ACYP2: variants seen among roughly 807,000 people sequenced by gnomAD.
ACYP2 encodes acylphosphatase-2.
Under a neutral mutation model 11.2 loss-of-function variants are expected in ACYP2, and 12 were observed. The observed-to-expected ratio is 1.08, with a 90% CI of 0.69 to 1.74. ACYP2 has a LOEUF of 1.74. Ranked by LOEUF, ACYP2 falls within the 40% of genes most tolerant of loss-of-function variation. The probability of loss-of-function intolerance (pLI) is 0.00; values close to 1 mark genes in which losing one functional copy is unlikely to be tolerated. For synonymous variants in ACYP2, 43 were observed against 32.2 expected (o/e 1.33, Z -1.13); for missense variants, 134 against 101.9 (o/e 1.31, Z -1.35).
chr2:54,216,419 A>G (rs557594776), intron 6 of ACYP2, among the ~76,000 whole-genome samples: 66 of 152,296 alleles, frequency 4.3e-4, no homozygotes, highest in African/African-American at 1.5e-3. Context: ...ATTTTATTGG[A>G]ATTATATTAA....
In ACYP2 at chr2:54,291,029, C is replaced by T. The variant is rs544249668; in HGVS notation, c.405-13659C>T. On this transcript the variant is annotated intron_variant, in intron 6 of 6. Transcript: ENST00000607452. ...TAGAAAGATGATCTATTCTTGCTGT[C>T]TTAGATTCTTAACTTCCCCCTCACT... is the stretch of plus-strand genomic sequence containing the variant. Among the ~76,000 whole-genome samples the T allele has an allele frequency of 7.2e-5, 11 of 152,288 alleles. No individual in the cohort carries two copies. In the South Asian group the frequency reaches 2.3e-3, roughly 32 times the overall value.
intron 6 of ACYP2, among the ~76,000 whole-genome samples, chr2:54,187,017 T>C (rs952658939): frequency 1.3e-5 from 2 of 150,642 alleles, no homozygotes; most frequent in Admixed American, 6.6e-5. Flanking sequence ...CAAATTAGAA[T>C]TTTTTTTTTC....
chr2:54,159,391 T>C (rs1357852687), intron 6 of ACYP2, among the ~76,000 whole-genome samples: 4 of 149,898 alleles, frequency 2.7e-5, no homozygotes, highest in Non-Finnish European at 4.4e-5. Flanking sequence ...TTTTTTTTAA[T>C]GAGACAGGGT....
rs547763417 is a variant in ACYP2, at chr2:54,101,395, G to T, written c.278-34058G>T. Among the ~76,000 whole-genome samples the T allele has an allele frequency of 2.5e-3, 378 of 152,158 alleles. 1 individual carries two copies. Among genetic ancestry groups the T allele is most frequent in the African/African-American group, 8.5e-3 (353 of 41,514 alleles). On this transcript the variant is annotated intron_variant, in intron 4 of 6. Transcript: ENST00000607452. ...TAACTTAAGAACTGCCAGGGGCCGG[G>T]CGCGGTGGCTCACGCCTGTAATCCC... is the stretch of plus-strand genomic sequence containing the variant.
intron 2 of ACYP2, among the ~76,000 whole-genome samples, chr2:54,049,708 T>G (rs1675729987): frequency 1.3e-5 from 2 of 152,210 alleles, no homozygotes; most frequent in South Asian, 4.1e-4. Flanking sequence ...ACCAGTATTT[T>G]TTTTAAAAAA....
At chr2:54,029,674 T>C (rs1358030184) in intron 2 of ACYP2, 2 of 469,898 alleles carry the variant, frequency 4.3e-6, no homozygotes, top group African/African-American at 4.0e-5. Context: ...GTAGAGTGCT[T>C]AAAGTGCTTA....
rs375964767 is a variant in ACYP2, at chr2:53,979,697, T to G, written c.62+5887T>G. Among the ~76,000 whole-genome samples the G allele has an allele frequency of 4.8e-4, 73 of 152,116 alleles. No individual in the cohort carries two copies. The South Asian group carries it at 8.1e-3, about 17-fold the overall frequency. On this transcript the variant is annotated intron_variant, in intron 2 of 6. Transcript: ENST00000607452. ...GTACAGCAGTACAATGTGTGTGTGT[T>G]TTTTTGTTTTTGTTTTTGTTTTTAG...
intron 2 of ACYP2, among the ~76,000 whole-genome samples, chr2:53,997,520 G>C (rs748613479): frequency 2.3e-4 from 34 of 150,238 alleles, no homozygotes; most frequent in Admixed American, 4.0e-4. Context: ...TGGTCAGGCT[G>C]ATCTCGAACT....
At chr2:54,244,224 T>C (rs535101522) in intron 6 of ACYP2, among the ~76,000 whole-genome samples, 2 of 152,176 alleles carry the variant, frequency 1.3e-5, no homozygotes, top group Admixed American at 6.5e-5. Context: ...TATTTAGAGA[T>C]GGGGCCTCAC....
chr2:54,165,398 C>A (rs1341941488), intron 6 of ACYP2, among the ~76,000 whole-genome samples: 1 of 152,068 alleles, frequency 6.6e-6, no homozygotes, highest in Non-Finnish European at 1.5e-5. Flanking sequence ...ACTTTCAGAA[C>A]AATTGTCTTA....
intron 6 of ACYP2, among the ~76,000 whole-genome samples, chr2:54,280,252 CA>C (rs1247469692): frequency 6.6e-6 from 1 of 152,110 alleles, no homozygotes; most frequent in Non-Finnish European, 1.5e-5. Flanking sequence ...TTATTAAAAT[CA>C]AGAGGACATC....
intron 6 of ACYP2, among the ~76,000 whole-genome samples, chr2:54,180,853 C>G (rs544231317): frequency 1.6e-4 from 24 of 152,284 alleles, no homozygotes; most frequent in African/African-American, 4.8e-4. Context: ...CTGCGCCCAG[C>G]CCAAATATAT....
intron 4 of ACYP2, among the ~76,000 whole-genome samples, chr2:54,123,644 C>T (rs1007155889): frequency 6.6e-6 from 1 of 152,138 alleles, no homozygotes; most frequent in Non-Finnish European, 1.5e-5. Flanking sequence ...CTTCCTCCAT[C>T]CCCTGGCATG....
intron 6 of ACYP2, among the ~76,000 whole-genome samples, chr2:54,205,940 A>G (rs1685056362): frequency 6.6e-6 from 1 of 152,140 alleles, no homozygotes; most frequent in African/African-American, 2.4e-5. Flanking sequence ...TTTTGAGTGT[A>G]TATATTTCCT....
At chr2:54,040,310 A>G (rs1483962333) in intron 2 of ACYP2, among the ~76,000 whole-genome samples, 1 of 152,212 alleles carries the variant, frequency 6.6e-6, no homozygotes, top group African/African-American at 2.4e-5. Flanking sequence ...AGTGACAAGC[A>G]GCAATCAGGA....
intron 2 of ACYP2, among the ~76,000 whole-genome samples, chr2:54,043,015 C>T (rs2104564532): frequency 6.6e-6 from 1 of 152,238 alleles, no homozygotes; most frequent in Non-Finnish European, 1.5e-5. Flanking sequence ...CACTCCCTGA[C>T]CAAAGCCTTG....
intron 4 of ACYP2, among the ~76,000 whole-genome samples, chr2:54,134,680 C>G (rs573487827): frequency 3.3e-5 from 5 of 152,212 alleles, no homozygotes; most frequent in African/African-American, 4.8e-5. Flanking sequence ...TTCAAAAACA[C>G]TTTCTAAATA....
At chr2:53,996,409 T>C (rs1431536913) in intron 2 of ACYP2, among the ~76,000 whole-genome samples, 1 of 152,096 alleles carries the variant, frequency 6.6e-6, no homozygotes, top group Admixed American at 6.6e-5. Flanking sequence ...TGATCTGATA[T>C]CTGTGAAAGG....
chr2:54,110,448 G>A (rs964099846), intron 4 of ACYP2, among the ~76,000 whole-genome samples: 2 of 152,192 alleles, frequency 1.3e-5, no homozygotes, highest in Non-Finnish European at 2.9e-5. Flanking sequence ...TCTAAAAAAT[G>A]TCTTGTTCAA....
Sources: allele counts gnomAD v4.1 joint callset (sites outside exome capture counted in the v4.1 genomes callset), GRCh38; gene constraint gnomAD v4.1.1; transcripts MANE v1.5; gene names NCBI Gene and HGNC (gene_info 2026-07-23, HGNC 2026-07-21).